Variants in GULP1 observed in about 807,000 individuals in gnomAD.
The protein encoded by GULP1 is PTB domain-containing engulfment adapter protein 1.
A neutral mutation model predicts 40.9 loss-of-function variants in GULP1; 19 were observed. The observed-to-expected ratio is 0.46, with a 90% CI of 0.32 to 0.68. The LOEUF (loss-of-function observed/expected upper bound fraction) is 0.68, where lower values mean the gene tolerates loss of function less well. GULP1 is among the 30% of genes least tolerant of loss of function. GULP1 has a pLI of 0.03. For synonymous variants in GULP1, 119 were observed against 117.6 expected (o/e 1.01, Z -0.08); for missense variants, 312 against 362.2 (o/e 0.86, Z 1.12).
intron 7 of GULP1, among the ~76,000 whole-genome samples, chr2:188,546,207 A>G (rs1691918900): frequency 6.6e-6 from 1 of 152,030 alleles, no homozygotes; most frequent in Admixed American, 6.6e-5. Flanking sequence ...ATTACTCAAC[A>G]TCATCAACCA....
chr2:188,373,595 G>A (rs374644635), intron 1 of GULP1, among the ~76,000 whole-genome samples: 5 of 151,436 alleles, frequency 3.3e-5, no homozygotes, highest in African/African-American at 9.7e-5. Flanking sequence ...AGTAGATGTC[G>A]AATCCTTAGG....
intron 1 of GULP1, among the ~76,000 whole-genome samples, chr2:188,307,491 AT>A (rs1224087520): frequency 1.3e-5 from 2 of 152,186 alleles, no homozygotes; most frequent in Admixed American, 1.3e-4. Flanking sequence ...AATGTAAAAT[AT>A]TCATATGAAA....
intron 8 of GULP1, 134 bp downstream of exon 8, chr2:188,569,489 T>G: frequency 1.5e-6 from 1 of 679,040 alleles, no homozygotes; most frequent in South Asian, 1.6e-5. Flanking sequence ...TTTCACCGTG[T>G]TCCCATAATT....
chr2:188,429,486 C>G (rs999184275), intron 2 of GULP1, among the ~76,000 whole-genome samples: 2 of 151,566 alleles, frequency 1.3e-5, no homozygotes, highest in Non-Finnish European at 2.9e-5. Flanking sequence ...GTCAACAGAG[C>G]AAGACTCTGT....
At chr2:188,465,071 CAGA>C (rs1312870379) in intron 2 of GULP1, among the ~76,000 whole-genome samples, 2 of 151,904 alleles carry the variant, frequency 1.3e-5, no homozygotes, top group Non-Finnish European at 2.9e-5. Flanking sequence ...TTCTCTCAAG[CAGA>C]AGGAGTCTCA....
intron 2 of GULP1, among the ~76,000 whole-genome samples, chr2:188,387,852 C>CTAT (rs1460380279): frequency 6.6e-6 from 1 of 152,010 alleles, no homozygotes; most frequent in Admixed American, 6.6e-5. Context: ...ATGAACCATG[C>CTAT]TATCCTTTAA....
At chr2:188,488,657 T>C (rs1030362838) in intron 4 of GULP1, among the ~76,000 whole-genome samples, 6 of 151,986 alleles carry the variant, frequency 3.9e-5, no homozygotes, top group African/African-American at 1.4e-4. Context: ...CTCTGAAAGG[T>C]TCTATGGGGA....
chr2:188,588,843 C>T (rs559145226), intron 11 of GULP1: 2 of 152,178 alleles, frequency 1.3e-5, no homozygotes, highest in Admixed American at 1.3e-4. Flanking sequence ...TAATTGCAAT[C>T]CTTCTTAGAA....
intron 4 of GULP1, among the ~76,000 whole-genome samples, chr2:188,510,506 A>G (rs1575683772): frequency 6.6e-6 from 1 of 152,110 alleles, no homozygotes; most frequent in Non-Finnish European, 1.5e-5. Flanking sequence ...CTGGGTAAAC[A>G]TTCCTTATAT....
chr2:188,336,049 T>C (rs1454453970), intron 1 of GULP1, among the ~76,000 whole-genome samples: 1 of 152,244 alleles, frequency 6.6e-6, no homozygotes, highest in African/African-American at 2.4e-5. Context: ...TGTTGTGTTA[T>C]AAAGTGCTCT....
chr2:188,576,692 A>C (rs895241346), intron 9 of GULP1, among the ~76,000 whole-genome samples: 40 of 152,150 alleles, frequency 2.6e-4, no homozygotes, highest in African/African-American at 9.2e-4. Context: ...ATACCTCTGC[A>C]TCACACTGAA....
At chr2:188,325,124 C>A (rs967312200) in intron 1 of GULP1, among the ~76,000 whole-genome samples, 2 of 151,826 alleles carry the variant, frequency 1.3e-5, no homozygotes, top group South Asian at 4.1e-4. Context: ...TACTGCATAC[C>A]GAAACATTTA....
chr2:188,359,192 CTCATT>C (rs569441757), intron 1 of GULP1, among the ~76,000 whole-genome samples: 31 of 152,070 alleles, frequency 2.0e-4, no homozygotes, highest in African/African-American at 7.2e-4. Context: ...CCATTCTGTT[CTCATT>C]TCATTATTTT....
At chr2:188,449,320 A>T (rs961599420) in intron 2 of GULP1, among the ~76,000 whole-genome samples, 1 of 152,120 alleles carries the variant, frequency 6.6e-6, no homozygotes, top group African/African-American at 2.4e-5. Flanking sequence ...AATGTGTTTC[A>T]GTGGGTTCTG....
At chr2:188,332,176 G>A (rs1279082021) in intron 1 of GULP1, among the ~76,000 whole-genome samples, 5 of 147,036 alleles carry the variant, frequency 3.4e-5, no homozygotes, top group East Asian at 2.1e-4. Context: ...CCATTCCATC[G>A]GTCATTTCTT....
chr2:188,324,518 A>G (rs1250957618), intron 1 of GULP1, among the ~76,000 whole-genome samples: 1 of 152,072 alleles, frequency 6.6e-6, no homozygotes, highest in African/African-American at 2.4e-5. Flanking sequence ...CTTTAAAGAC[A>G]TTGAATATAG....
intron 1 of GULP1, chr2:188,297,578 G>C (rs184508542): frequency 4.7e-6 from 2 of 427,888 alleles, no homozygotes; most frequent in East Asian, 8.1e-5. Flanking sequence ...TGAAGTTCCT[G>C]GGGGAACCAT....
chr2:188,425,362 ACTCTT>A (rs71725869), intron 2 of GULP1, among the ~76,000 whole-genome samples: 3,415 of 151,974 alleles, frequency 0.022, 136 homozygotes, highest in African/African-American at 0.078. Context: ...ATGGTTTGTT[ACTCTT>A]CTCATTTTAA....
chr2:188,476,287 C>T (rs72911499), intron 2 of GULP1, among the ~76,000 whole-genome samples: 1,833 of 152,202 alleles, frequency 0.012, 15 homozygotes, highest in East Asian at 0.022. Context: ...GACTTTGAGA[C>T]TTAGAGTGGA....
Sources: gnomAD v4.1 joint callset for allele counts (sites outside exome capture counted in the v4.1 genomes callset) on GRCh38, gnomAD v4.1.1 for gene constraint, MANE v1.5 for transcripts, NCBI Gene and HGNC (gene_info 2026-07-23, HGNC 2026-07-21) for gene names.